Variants in WWC2 observed in about 807,000 individuals in gnomAD.
The protein encoded by WWC2 is WW and C2 domain containing 2.
A neutral mutation model predicts 138.5 loss-of-function variants in WWC2; 101 were observed. The ratio of observed to expected loss-of-function variants is 0.73; its 90% confidence interval spans 0.62 to 0.86. The LOEUF is 0.86. WWC2 is among the 40% of genes least tolerant of loss of function. The pLI is 0.00. For missense variants in WWC2, 1,420 were observed against 1,419.4 expected (o/e 1.00, Z -0.01); for synonymous variants, 558 against 538.4 (o/e 1.04, Z -0.50).
intron 21 of WWC2, 60 bp from the exon 22 acceptor site, chr4:183,312,281 T>G: frequency 6.3e-7 from 1 of 1,590,602 alleles, no homozygotes; most frequent in Non-Finnish European, 8.6e-7. Flanking sequence ...TCATAGGATG[T>G]CTCCAGGGAT....
intron 1 of WWC2, among the ~76,000 whole-genome samples, chr4:183,159,411 A>C (rs1309234375): frequency 6.6e-6 from 1 of 151,936 alleles, no homozygotes; most frequent in African/African-American, 2.4e-5. Flanking sequence ...TTATCTATTT[A>C]TTTATTTATT....
chr4:183,193,082 T>C (rs556279783), intron 1 of WWC2, among the ~76,000 whole-genome samples: 7 of 152,342 alleles, frequency 4.6e-5, no homozygotes, highest in African/African-American at 9.6e-5. Context: ...GTGACTGTTA[T>C]GTACAAGATA....
chr4:183,231,783 G>C (rs1449307269), intron 4 of WWC2, among the ~76,000 whole-genome samples: 2 of 151,990 alleles, frequency 1.3e-5, no homozygotes, highest in African/African-American at 4.8e-5. Context: ...TCAGCCTCCC[G>C]AGTAGCTGGG....
At chr4:183,210,757 G>A (rs1171578367) in intron 4 of WWC2, among the ~76,000 whole-genome samples, 5 of 152,122 alleles carry the variant, frequency 3.3e-5, no homozygotes, top group South Asian at 4.1e-4. Context: ...AACCTGTACC[G>A]TATGATACTG....
intron 21 of WWC2, among the ~76,000 whole-genome samples, chr4:183,293,303 A>G (rs1280095535): frequency 2.0e-5 from 3 of 152,332 alleles, no homozygotes; most frequent in East Asian, 3.8e-4. Context: ...CATGTTGACC[A>G]TGTCAAAATG....
intron 21 of WWC2, among the ~76,000 whole-genome samples, chr4:183,310,832 TAA>T (rs34169882): frequency 6.2e-5 from 7 of 113,422 alleles, no homozygotes; most frequent in Non-Finnish European, 8.6e-5. Flanking sequence ...TGGCATATTG[TAA>T]AAAAAAAAAA....
intron 8 of WWC2, among the ~76,000 whole-genome samples, chr4:183,250,290 C>T (rs1736939162): frequency 6.6e-6 from 1 of 151,762 alleles, no homozygotes; most frequent in African/African-American, 2.4e-5. Flanking sequence ...ACTTAACTCT[C>T]AATTAAAAGT....
At chr4:183,258,113 A>G (rs937224012) in intron 9 of WWC2, among the ~76,000 whole-genome samples, 1 of 152,210 alleles carries the variant, frequency 6.6e-6, no homozygotes, top group Non-Finnish European at 1.5e-5. Flanking sequence ...CATTTTAATA[A>G]AAGCAATATT....
At chr4:183,188,854 C>G (rs1173423326) in intron 1 of WWC2, among the ~76,000 whole-genome samples, 2 of 151,832 alleles carry the variant, frequency 1.3e-5, no homozygotes, top group African/African-American at 4.8e-5. Context: ...CCAAGTTGGC[C>G]AGGCTGGTCT....
At chr4:183,307,749 A>G (rs1739069697) in intron 21 of WWC2, among the ~76,000 whole-genome samples, 1 of 152,222 alleles carries the variant, frequency 6.6e-6, no homozygotes, top group South Asian at 2.1e-4. Context: ...CTCTACAACT[A>G]ACATCATACT....
intron 1 of WWC2, among the ~76,000 whole-genome samples, chr4:183,153,636 A>G (rs1283714910): frequency 6.6e-6 from 1 of 151,016 alleles, no homozygotes; most frequent in Non-Finnish European, 1.5e-5. Flanking sequence ...TTATTGCCCT[A>G]GAAGTAGTCT....
chr4:183,152,150 A>G (rs968707600), intron 1 of WWC2, among the ~76,000 whole-genome samples: 2 of 152,132 alleles, frequency 1.3e-5, no homozygotes, highest in African/African-American at 4.8e-5. Context: ...GTAAGAAAGA[A>G]AAGGATTTAA....
chr4:183,205,606 G>GT (rs1465333813), intron 2 of WWC2, among the ~76,000 whole-genome samples: 2 of 152,140 alleles, frequency 1.3e-5, no homozygotes, highest in Non-Finnish European at 2.9e-5. Context: ...CTTTTAGGGA[G>GT]TTTTATATTT....
chr4:183,186,829 G>C (rs1734819874), intron 1 of WWC2, among the ~76,000 whole-genome samples: 1 of 152,106 alleles, frequency 6.6e-6, no homozygotes, highest in Admixed American at 6.5e-5. Context: ...GGTACCAGGT[G>C]ACAAAACTCA....
intron 1 of WWC2, among the ~76,000 whole-genome samples, chr4:183,113,909 C>G (rs936946108): frequency 6.6e-6 from 1 of 151,724 alleles, no homozygotes. Flanking sequence ...AATGAAAGAA[C>G]TTGCTCATGA....
At chr4:183,278,412 G>T (rs1206807999) in intron 16 of WWC2, among the ~76,000 whole-genome samples, 1 of 151,818 alleles carries the variant, frequency 6.6e-6, no homozygotes, top group Non-Finnish European at 1.5e-5. Context: ...CAGGTAGTGT[G>T]ATGCCTCCAG....
rs146266573 is a variant in WWC2 at position 183,269,182 on chromosome 4, C to G, written c.2400+19C>G. On this transcript the variant is annotated intron_variant, in intron 15 of 22. Transcript: ENST00000403733. ...ATGCCTGGTAGGATTCTTCATAATT[C>G]CCATTACCAAATAGCACTTAGATTG... is the stretch of plus-strand genomic sequence containing the variant. The G allele has an allele frequency of 1.3e-6, 2 of 1,563,084 alleles. No individual in the cohort carries two copies. Among genetic ancestry groups the G allele is most frequent in the African/African-American group, 1.5e-5 (1 of 65,698 alleles).
intron 16 of WWC2, among the ~76,000 whole-genome samples, chr4:183,274,114 G>A (rs941554011): frequency 1.3e-5 from 2 of 152,164 alleles, no homozygotes; most frequent in Non-Finnish European, 2.9e-5. Flanking sequence ...GCACTGCTTT[G>A]ATTACTATAG....
In WWC2 at chr4:183,315,812, G is replaced by A; in HGVS notation, c.*83G>A. ...ACTGAAGATTTGTGTTTTTGTTTTG[G>A]TGTTTGGTTTTTTTTGGTAACGTAA... On this transcript the variant is annotated 3_prime_UTR_variant, in exon 23 of 23. Coordinates refer to ENST00000403733, the MANE Select transcript of WWC2 (RefSeq NM_024949.6). The A allele has an allele frequency of 8.2e-7, 1 of 1,222,624 alleles. No individual in the cohort carries two copies. The highest frequency in any genetic ancestry group is 2.6e-5 in the East Asian group (1 of 39,170). 75.7% of individuals were successfully genotyped at this position (1,222,624 alleles called of 1,614,324 possible). A position where few individuals can be genotyped will look rare whatever the true frequency, so the allele number is the denominator to read the frequency against.
Sources: gnomAD v4.1 joint callset for allele counts (sites outside exome capture counted in the v4.1 genomes callset) on GRCh38, gnomAD v4.1.1 for gene constraint, MANE v1.5 for transcripts, NCBI Gene and HGNC (gene_info 2026-07-23, HGNC 2026-07-21) for gene names.